The following TYW1B variants were observed in gnomAD, a reference collection of about 807,000 sequenced individuals.
TYW1B encodes S-adenosyl-L-methionine-dependent tRNA 4-demethylwyosine synthase TYW1B.
A neutral mutation model predicts 86.9 loss-of-function variants in TYW1B; 73 were observed. That is an observed-to-expected ratio of 0.84 (90% CI 0.70 to 1.02). The LOEUF (loss-of-function observed/expected upper bound fraction) is 1.02, where lower values mean the gene tolerates loss of function less well. TYW1B is among the 50% of genes least tolerant of loss of function. TYW1B has a pLI of 0.00. For synonymous variants in TYW1B, 248 were observed against 292.8 expected (o/e 0.85, Z 1.56); for missense variants, 637 against 827.4 (o/e 0.77, Z 2.82).
intron 11 of TYW1B, among the ~76,000 whole-genome samples, chr7:72,670,491 T>C (rs1487121039): frequency 6.6e-6 from 1 of 152,192 alleles, no homozygotes; most frequent in South Asian, 2.1e-4. Context: ...ACGTCTGGCC[T>C]CATGTGTTAT....
intron 4 of TYW1B, among the ~76,000 whole-genome samples, chr7:72,808,683 A>C (rs1788541494): frequency 6.6e-6 from 1 of 151,780 alleles, no homozygotes; most frequent in African/African-American, 2.4e-5. Flanking sequence ...ATGCGCCACC[A>C]TGCCCGGCTA....
intron 11 of TYW1B, among the ~76,000 whole-genome samples, chr7:72,672,989 T>C (rs1813647500): frequency 6.6e-6 from 1 of 152,136 alleles, no homozygotes; most frequent in Admixed American, 6.5e-5. Flanking sequence ...GTCAACATAG[T>C]GAAACCCCAT....
chr7:72,731,832 C>A (rs1554460018), intron 8 of TYW1B, among the ~76,000 whole-genome samples: 1 of 152,050 alleles, frequency 6.6e-6, no homozygotes, highest in Non-Finnish European at 1.5e-5. Flanking sequence ...ATCCCAGCTA[C>A]TTAGGAGGAT....
intron 11 of TYW1B, among the ~76,000 whole-genome samples, chr7:72,689,504 C>G (rs1185579573): frequency 1.3e-5 from 2 of 152,060 alleles, no homozygotes; most frequent in Non-Finnish European, 2.9e-5. Context: ...GACTGTCAGG[C>G]CTCTAGGATG....
intron 7 of TYW1B, among the ~76,000 whole-genome samples, chr7:72,766,384 C>T (rs1466789848): frequency 1.3e-4 from 19 of 151,780 alleles, no homozygotes; most frequent in African/African-American, 4.1e-4. Context: ...GAGGCCAAGG[C>T]GGGTGGATCA....
intron 3 of TYW1B, among the ~76,000 whole-genome samples, chr7:72,812,108 TGGGATG>T (rs2129572743): frequency 6.7e-6 from 1 of 150,072 alleles, no homozygotes; most frequent in East Asian, 1.9e-4. Context: ...CCAGAATGTT[TGGGATG>T]GGAAGTGTTT....
At chr7:72,664,693 T>C (rs1308006430) in intron 11 of TYW1B, among the ~76,000 whole-genome samples, 11 of 151,534 alleles carry the variant, frequency 7.3e-5, no homozygotes, top group South Asian at 4.2e-4. Context: ...GTACAACGAA[T>C]TCCCACGACA....
At chr7:72,695,064 G>A (rs143231543) in intron 10 of TYW1B, among the ~76,000 whole-genome samples, 124 of 152,100 alleles carry the variant, frequency 8.2e-4, no homozygotes, top group African/African-American at 2.8e-3. Flanking sequence ...ACTTAAAATT[G>A]GCCCTTCTTC....
chr7:72,676,731 G>A (rs35115359), intron 11 of TYW1B, among the ~76,000 whole-genome samples: 5 of 151,458 alleles, frequency 3.3e-5, no homozygotes, highest in African/African-American at 7.3e-5. Flanking sequence ...AGGCCGAGGC[G>A]GTGGATTGCT....
chr7:72,814,115 G>A (rs1446468826), intron 3 of TYW1B, among the ~76,000 whole-genome samples: 4 of 151,814 alleles, frequency 2.6e-5, no homozygotes, highest in Non-Finnish European at 5.9e-5. Context: ...TGACCTTTTG[G>A]TTGGATCGCC....
intron 7 of TYW1B, among the ~76,000 whole-genome samples, chr7:72,772,869 T>C (rs1325717711): frequency 2.0e-5 from 3 of 152,310 alleles, no homozygotes; most frequent in Admixed American, 2.0e-4. Flanking sequence ...AATGTCAATT[T>C]GGATTACAAG....
At chr7:72,700,440 T>G (rs1478437525) in intron 10 of TYW1B, among the ~76,000 whole-genome samples, 10 of 152,178 alleles carry the variant, frequency 6.6e-5, no homozygotes, top group African/African-American at 2.2e-4. Flanking sequence ...CCCAAAGTGC[T>G]GGGATTACGG....
intron 11 of TYW1B, among the ~76,000 whole-genome samples, chr7:72,666,574 C>G (rs1465114641): frequency 1.3e-5 from 2 of 152,046 alleles, no homozygotes; most frequent in African/African-American, 4.8e-5. Context: ...AAAGAACCAC[C>G]ATATCACTGG....
At chr7:72,736,959 C>T (rs1171878696) in intron 8 of TYW1B, among the ~76,000 whole-genome samples, 3 of 152,122 alleles carry the variant, frequency 2.0e-5, no homozygotes, top group African/African-American at 7.2e-5. Context: ...ACCCAGGAGA[C>T]AGAGGTTACA....
rs1554481491 is a variant in TYW1B, at chr7:72,826,835, A to G, written c.135+20T>C. The G allele has an allele frequency of 1.2e-6, 2 of 1,604,790 alleles. No individual in the cohort carries two copies. Among genetic ancestry groups the G allele is most frequent in the Non-Finnish European group, 1.7e-6 (2 of 1,178,122 alleles). ...AATCTGATGCCTAAATACTCTATTA[A>G]AAAAAATAACTCCACTTACCTGCAT... On this transcript the variant is annotated intron_variant, in intron 2 of 13. Coordinates refer to ENST00000620995, the MANE Select transcript of TYW1B (RefSeq NM_001145440.3).
intron 6 of TYW1B, among the ~76,000 whole-genome samples, chr7:72,793,422 A>T (rs1403130550): frequency 6.6e-6 from 1 of 152,070 alleles, no homozygotes; most frequent in Non-Finnish European, 1.5e-5. Flanking sequence ...TTTTCGAAGA[A>T]ATATCTGAGA....
intron 11 of TYW1B, among the ~76,000 whole-genome samples, chr7:72,645,020 G>T (rs1291059002): frequency 6.6e-6 from 1 of 151,952 alleles, no homozygotes; most frequent in Non-Finnish European, 1.5e-5. Context: ...GTAGAGATGC[G>T]GTTTCACCGT....
chr7:72,797,273 G>A (rs1249105862), intron 6 of TYW1B, among the ~76,000 whole-genome samples: 5 of 152,172 alleles, frequency 3.3e-5, no homozygotes, highest in African/African-American at 1.2e-4. Context: ...AAGTATACTG[G>A]AGATTGAGCT....
intron 13 of TYW1B, among the ~76,000 whole-genome samples, chr7:72,593,820 TAAAAAAAAAAAAAAA>T (rs59821679): frequency 2.1e-4 from 9 of 43,694 alleles, no homozygotes; most frequent in Admixed American, 1.0e-3. Context: ...AGACTCCATC[TAAAAAAAAAAAAAAA>T]AAAAAAAAAA....
Sources: allele counts gnomAD v4.1 joint callset (sites outside exome capture counted in the v4.1 genomes callset), GRCh38; gene constraint gnomAD v4.1.1; transcripts MANE v1.5; gene names NCBI Gene and HGNC (gene_info 2026-07-23, HGNC 2026-07-21).